Variants in ITPR1 observed in about 807,000 individuals in gnomAD.
ITPR1 encodes inositol 1,4,5-trisphosphate-gated calcium channel ITPR1.
ITPR1 carries 96 observed loss-of-function variants against 318.4 expected under a neutral mutation model. That is an observed-to-expected ratio of 0.30 (90% CI 0.26 to 0.36). ITPR1 has a LOEUF of 0.36. ITPR1 is among the 10% of genes least tolerant of loss of function. The pLI is 1.00. For missense variants in ITPR1, 2,440 were observed against 3,460.2 expected, an observed-to-expected ratio of 0.71 and a Z score of 7.40; for synonymous variants, 1,312 against 1,289.9, an observed-to-expected ratio of 1.02 and a Z score of -0.37.
rs1454964661 is a variant in ITPR1, at chr3:4,522,839, C to T, written c.163+1745C>T. On this transcript the variant is annotated intron_variant, in intron 4 of 61. Coordinates refer to ENST00000649015, the MANE Select transcript of ITPR1 (RefSeq NM_001378452.1). ...CCTCCTCCCTAGGAAGAGATTGATACCCTCGGAACTTAAGAACCTTGTCTG... is the reference window on the plus strand; with the variant it reads ...CCTCCTCCCTAGGAAGAGATTGATATCCTCGGAACTTAAGAACCTTGTCTG... Among the ~76,000 whole-genome samples, 3 of 152,186 alleles carry T rather than the reference C, an allele frequency of 2.0e-5. No homozygotes were observed. The East Asian group carries it at 5.8e-4, about 29-fold the overall frequency.
chr3:4,627,719 A>G (rs1173676965), intron 4 of ITPR1, 44 bp from the exon 5 acceptor site: 6 of 1,211,698 alleles, frequency 5.0e-6, no homozygotes, highest in African/African-American at 1.5e-5. Flanking sequence ...CTGAGTCTCT[A>G]TACACCCTCA....
At chr3:4,740,822 G>T (rs149463455) in intron 44 of ITPR1, among the ~76,000 whole-genome samples, 34 of 152,298 alleles carry the variant, frequency 2.2e-4, no homozygotes, top group Admixed American at 5.2e-4. Flanking sequence ...CCAGAAACGG[G>T]TGACACGTTG....
intron 35 of ITPR1, 32 bp downstream of exon 35, chr3:4,699,973 C>A: frequency 6.3e-7 from 1 of 1,598,304 alleles, no homozygotes; most frequent in South Asian, 1.1e-5. Context: ...GCAGAATGTT[C>A]ACGATACACC....
intron 4 of ITPR1, among the ~76,000 whole-genome samples, chr3:4,534,270 T>C (rs1008644040): frequency 6.6e-6 from 1 of 152,208 alleles, no homozygotes; most frequent in African/African-American, 2.4e-5. Context: ...CCCCCACACC[T>C]TTTGGAACCT....
chr3:4,683,678 A>G lies in ITPR1; in HGVS notation c.3378A>G (p.Lys1126=). The G allele has an allele frequency of 6.2e-7, 1 of 1,614,070 alleles. No homozygotes were observed. The highest frequency in any genetic ancestry group is 8.5e-7 in the Non-Finnish European group (1 of 1,179,894). ...SQDVDNYKQI[K]QDLDQLRSIV... ...ATGTGGACAACTACAAACAGATCAAACAAGACTTGGATCAACTGAGGTCCA... is the reference window on the plus strand; with the variant it reads ...ATGTGGACAACTACAAACAGATCAAGCAAGACTTGGATCAACTGAGGTCCA... The change falls in exon 28 of 62, where the codon AAA becomes AAG. Residue 1126 remains lysine (K), a synonymous_variant. Transcript: ENST00000649015.
chr3:4,662,411 A>G (rs2093853969), intron 15 of ITPR1, among the ~76,000 whole-genome samples, 169 bp downstream of exon 15: 1 of 152,162 alleles, frequency 6.6e-6, no homozygotes, highest in South Asian at 2.1e-4. Context: ...GTACTTTTGC[A>G]TTCATTTTTT....
intron 60 of ITPR1, among the ~76,000 whole-genome samples, chr3:4,828,909 G>C (rs1024340234): frequency 3.9e-5 from 6 of 152,062 alleles, no homozygotes; most frequent in Admixed American, 2.6e-4. Context: ...TGGCTTAGCT[G>C]GTAAAAAGAG....
chr3:4,542,554 C>T (rs934751716), intron 4 of ITPR1, among the ~76,000 whole-genome samples: 1 of 152,088 alleles, frequency 6.6e-6, no homozygotes, highest in Admixed American at 6.6e-5. Flanking sequence ...TTTATCTTGA[C>T]TTTGGCTCTA....
chr3:4,796,573 A>G (rs1481890525), intron 53 of ITPR1, among the ~76,000 whole-genome samples: 3 of 152,048 alleles, frequency 2.0e-5, no homozygotes, highest in Non-Finnish European at 2.9e-5. Flanking sequence ...TTTACTCTCC[A>G]TTGCCTTAAA....
rs146003437 is a variant in ITPR1 at position 4,694,556 on chromosome 3, G to A, written c.4281+815G>A. ...CCTCATTGTGCAAACATCATACAGCGCACTTACACAAACCTAGATGGCACA... is the reference window on the plus strand; with the variant it reads ...CCTCATTGTGCAAACATCATACAGCACACTTACACAAACCTAGATGGCACA... On this transcript the variant is annotated intron_variant, in intron 33 of 61. Coordinates refer to ENST00000649015, the MANE Select transcript of ITPR1 (RefSeq NM_001378452.1). Among the ~76,000 whole-genome samples the A allele has an allele frequency of 3.8e-3, 578 of 152,194 alleles. 2 individuals carry two copies. Among genetic ancestry groups the A allele is most frequent in the African/African-American group, 0.013 (550 of 41,530 alleles).
chr3:4,798,557 G>T (rs947022150), intron 53 of ITPR1, among the ~76,000 whole-genome samples: 4 of 152,208 alleles, frequency 2.6e-5, no homozygotes, highest in African/African-American at 9.7e-5. Flanking sequence ...GTCTTTTAAA[G>T]TTAAACATAT....
intron 4 of ITPR1, among the ~76,000 whole-genome samples, chr3:4,528,994 T>C (rs2083203961): frequency 6.6e-6 from 1 of 152,214 alleles, no homozygotes; most frequent in Non-Finnish European, 1.5e-5. Flanking sequence ...TCGCTGGGGA[T>C]GGTGCCTGCT....
At chr3:4,573,382 T>A (rs2125040102) in intron 4 of ITPR1, among the ~76,000 whole-genome samples, 1 of 152,298 alleles carries the variant, frequency 6.6e-6, no homozygotes, top group Non-Finnish European at 1.5e-5. Flanking sequence ...GAGTCACCAT[T>A]GGCTCTTGTC....
chr3:4,845,676 T>C (rs541320880), intron 61 of ITPR1, among the ~76,000 whole-genome samples: 21 of 152,260 alleles, frequency 1.4e-4, no homozygotes, highest in Non-Finnish European at 2.8e-4. Flanking sequence ...TCTAACCAAC[T>C]ACTCAAGAGT....
chr3:4,795,414 G>C (rs1195907051), intron 53 of ITPR1, among the ~76,000 whole-genome samples: 1 of 152,180 alleles, frequency 6.6e-6, no homozygotes, highest in Non-Finnish European at 1.5e-5. Flanking sequence ...AAGAGAAGCA[G>C]CTAGATACTA....
rs544919090 is a variant in ITPR1, at chr3:4,684,305, C to T, written c.3523C>T (p.His1175Tyr). The change falls in exon 29 of 62, where the codon CAT becomes TAT. Residue 1175 changes from histidine to tyrosine, a missense_variant. By Grantham distance (83) the His-to-Tyr change is moderately conservative. This residue lies in a region of ITPR1 where 86 missense variants were observed against 75.6 expected (regional missense o/e 1.14). Coordinates refer to ENST00000649015, the MANE Select transcript of ITPR1 (RefSeq NM_001378452.1). ...TEEGNNKPQK[H>Y]ESTSSYNYRV... The stretch of plus-strand genomic sequence containing the variant: ...GGAGGGAAATAACAAGCCACAAAAG[C>T]ATGAAAGCACCAGCAGCTACAACTA... 5 of 1,612,674 alleles carry T rather than the reference C, an allele frequency of 3.1e-6. No individual in the cohort carries two copies. The East Asian group carries it at 8.9e-5, about 29-fold the overall frequency.
At chr3:4,653,955 T>G in intron 12 of ITPR1, 69 bp downstream of exon 12, 5 of 1,101,194 alleles carry the variant, frequency 4.5e-6, no homozygotes, top group Non-Finnish European at 6.8e-6. Flanking sequence ...GAGCTCCATT[T>G]AAGAAACTGT....
At chr3:4,575,012 G>A (rs555718363) in intron 4 of ITPR1, among the ~76,000 whole-genome samples, 1 of 152,354 alleles carries the variant, frequency 6.6e-6, no homozygotes, top group East Asian at 1.9e-4. Flanking sequence ...GTACTGGATG[G>A]TGCTTACACA....
Position 4,711,848 on chromosome 3 carries a change from G to A in ITPR1, c.5083G>A (p.Asp1695Asn), listed in dbSNP as rs371186107. The A allele has an allele frequency of 4.7e-5, 72 of 1,520,842 alleles. No homozygotes were observed. In the African/African-American group the frequency reaches 7.5e-4, roughly 16 times the overall value. The allele number at this position is 1,520,842 out of a possible 1,614,324, so 94.2% of individuals were successfully genotyped here. The stretch of plus-strand genomic sequence containing the variant: ...GACCCTGAGGGAAATGATGACCAAA[G>A]ATAGAGGCTATGGAGAAAAGGTACT... Reference protein sequence around the residue: ...LQTLREMMTKDRGYGEKLISI... With the variant: ...LQTLREMMTKNRGYGEKLISI... The change falls in exon 39 of 62, where the codon GAT becomes AAT. Residue 1695 changes from aspartate to asparagine, a missense_variant. Physicochemically the swap from Asp to Asn is conservative, Grantham distance 23 (BLOSUM62 1). Coordinates refer to ENST00000649015, the MANE Select transcript of ITPR1 (RefSeq NM_001378452.1).
Sources: allele counts gnomAD v4.1 joint callset (sites outside exome capture counted in the v4.1 genomes callset), GRCh38; gene constraint gnomAD v4.1.1; regional missense constraint gnomAD v4.1.1; transcripts MANE v1.5; gene names NCBI Gene and HGNC (gene_info 2026-07-23, HGNC 2026-07-21).